Variants in CISD3 observed in about 807,000 individuals in gnomAD.
CISD3 encodes CDGSH iron sulfur domain 3, also known as CDGSH iron-sulfur domain-containing protein 3, mitochondrial.
In CISD3, 11 loss-of-function variants were observed where a neutral mutation model predicts 14.1. The ratio of observed to expected loss-of-function variants is 0.78; its 90% CI spans 0.49 to 1.29. CISD3 has a LOEUF of 1.29. CISD3 is among the 50% of genes most tolerant of loss of function. CISD3 has a pLI of 0.00. For synonymous variants in CISD3, 53 were observed against 69.2 expected (o/e 0.77, Z 1.16); for missense variants, 156 against 171.6 (o/e 0.91, Z 0.51).
intron 3 of CISD3, among the ~76,000 whole-genome samples, chr17:38,732,969 TCAC>T (rs1906406031): frequency 1.4e-5 from 1 of 72,362 alleles, no homozygotes; most frequent in Non-Finnish European, 4.0e-5. Flanking sequence ...ACACACACAC[TCAC>T]ACTCTATTAG....
intron 3 of CISD3, 32 bp from the exon 4 acceptor site, chr17:38,733,244 C>G: frequency 6.5e-7 from 1 of 1,549,720 alleles, no homozygotes; most frequent in Non-Finnish European, 8.7e-7. Flanking sequence ...CAGGTGGGGT[C>G]AGGTCTTTGA....
chr17:38,735,127 A>C lies in CISD3; in HGVS notation c.*1672A>C. On this transcript the variant is annotated 3_prime_UTR_variant, in exon 4 of 4. Coordinates refer to ENST00000613478, the MANE Select transcript of CISD3 (RefSeq NM_001136498.2). ...ACCCGCCCCCCACCCCCAAGGTGGG[A>C]AGAGCTGGGGAAAGTAGAAGAGGTG... 5 of 918,122 alleles carry C rather than the reference A, an allele frequency of 5.4e-6. No individual in the cohort carries two copies. Among genetic ancestry groups the C allele is most frequent in the Non-Finnish European group, 5.9e-6 (4 of 679,156 alleles). The allele number at this position is 918,122 out of a possible 1,614,324, so 56.9% of individuals were successfully genotyped here.
intron 2 of CISD3, 77 bp from the exon 3 acceptor site, chr17:38,731,243 A>C (rs917173641): frequency 3.1e-5 from 47 of 1,519,070 alleles, no homozygotes; most frequent in Non-Finnish European, 4.2e-5. Context: ...CCAGTGGGAA[A>C]CTAGGAAGGG....
chr17:38,734,991 C>T lies in CISD3; in HGVS notation c.*1536C>T. 1 of 382,062 alleles carries T rather than the reference C, an allele frequency of 2.6e-6. No individual in the cohort carries two copies. The highest frequency in any genetic ancestry group is 4.6e-6 in the Non-Finnish European group (1 of 216,856). The allele number at this position is 382,062 out of a possible 1,614,324, so 23.7% of individuals were successfully genotyped here. ...ACACCATTTTCCACACATACACACA[C>T]ACATAAAGTTTGTTTCCTGTGGCAT... On this transcript the variant is annotated 3_prime_UTR_variant, in exon 4 of 4. Transcript: ENST00000613478.
rs1434836110 is a variant in CISD3 at position 38,735,337 on chromosome 17, A to C, written c.*1882A>C. 3.2e-6 allele frequency: 5 copies of C among 1,553,206 alleles called. No individual in the cohort carries two copies. The highest frequency in any genetic ancestry group is 4.4e-6 in the Non-Finnish European group (5 of 1,145,390). ...CCCCGTTGGCAGCTGTGGTGGCCCCACTGGCTGTCGAAGGGGGAGTGGGGG... is the reference window on the plus strand; with the variant it reads ...CCCCGTTGGCAGCTGTGGTGGCCCCCCTGGCTGTCGAAGGGGGAGTGGGGG... On this transcript the variant is annotated 3_prime_UTR_variant, in exon 4 of 4. Transcript: ENST00000613478.
chr17:38,732,902 A>G (rs1183104565), intron 3 of CISD3, among the ~76,000 whole-genome samples: 1 of 151,110 alleles, frequency 6.6e-6, no homozygotes, highest in Non-Finnish European at 1.5e-5. Flanking sequence ...GGAACATGGG[A>G]AGTAAATGAA....
rs1390058720 is a variant in CISD3 at position 38,731,308 on chromosome 17, C to T, written c.85-12C>T. The T allele has an allele frequency of 2.6e-6, 4 of 1,550,884 alleles. No homozygotes were observed. The highest frequency in any genetic ancestry group is 3.5e-6 in the Non-Finnish European group (4 of 1,146,902). ...GAGCTAACCCTGAGCCCCTCATCTT[C>T]CCTGGCCACAGGCCCAGTGGTTCCC... On this transcript the variant is annotated splice_polypyrimidine_tract_variant and intron_variant, in intron 2 of 3. Transcript: ENST00000613478.
At position 38,735,369 on chromosome 17, in the gene CISD3, G is replaced by T. The variant is rs1003229373; in HGVS notation, c.*1914G>T. On this transcript the variant is annotated 3_prime_UTR_variant, in exon 4 of 4. Coordinates refer to ENST00000613478, the MANE Select transcript of CISD3 (RefSeq NM_001136498.2). ...GTCGAAGGGGGAGTGGGGGAGGTAGGGTGGGTGGCTGGAGGCCCATGGGAA... is the reference window on the plus strand; with the variant it reads ...GTCGAAGGGGGAGTGGGGGAGGTAGTGTGGGTGGCTGGAGGCCCATGGGAA... 30 of 1,563,918 alleles carry T rather than the reference G, an allele frequency of 1.9e-5. No individual in the cohort carries two copies. The highest frequency in any genetic ancestry group is 2.3e-5 in the Non-Finnish European group (27 of 1,152,938).
Position 38,730,789 on chromosome 17 carries a change from C to T in CISD3, c.78C>T (p.Ser26=). 4 of 1,551,718 alleles carry T rather than the reference C, an allele frequency of 2.6e-6. No individual in the cohort carries two copies. The highest frequency in any genetic ancestry group is 2.4e-5 in the East Asian group (1 of 40,916). The change falls in exon 2 of 4, where the codon TCC becomes TCT. Residue 26 remains serine (S), a synonymous_variant. Transcript: ENST00000613478. ...TGAACCCGCGGCGGGACATCTCCTC[C>T]TGGCTGGTGAGTCCCCCCATCCTCC... ...RDLNPRRDIS[S]WLAQWFPRTP...
chr17:38,733,745 G>A lies in CISD3; in HGVS notation c.*290G>A, dbSNP rs1906461238. ...GGCCCACGTGCTGCCTCCTGCTCCA[G>A]ATTTTAACCTCTCTGTGGGCTGGGG... is the stretch of plus-strand genomic sequence containing the variant. On this transcript the variant is annotated 3_prime_UTR_variant, in exon 4 of 4. Coordinates refer to ENST00000613478, the MANE Select transcript of CISD3 (RefSeq NM_001136498.2). 2 of 382,120 alleles carry A rather than the reference G, an allele frequency of 5.2e-6. No individual in the cohort carries two copies. The highest frequency in any genetic ancestry group is 9.4e-6 in the Non-Finnish European group (2 of 213,038). The allele number at this position is 382,120 out of a possible 1,614,324, so 23.7% of individuals were successfully genotyped here.
rs5820265 is a variant in CISD3 at position 38,734,527 on chromosome 17, G to GA, written c.*1085dup. On this transcript the variant is annotated 3_prime_UTR_variant, in exon 4 of 4. Coordinates refer to ENST00000613478, the MANE Select transcript of CISD3 (RefSeq NM_001136498.2). ...AATGATGCAAAGGCCACACACACAG[G>GA]AAAAAAAAAAAAAGAGGCAGAACTA... 24,384 of 144,140 alleles carry GA rather than the reference G, an allele frequency of 0.17. 3,798 individuals are homozygous for GA. The highest frequency in any genetic ancestry group is 0.41 in the African/African-American group (16,234 of 39,266). 8.9% of individuals were successfully genotyped at this position (144,140 alleles called of 1,614,324 possible).
Position 38,735,579 on chromosome 17 carries a change from A to G in CISD3, c.*2124A>G. 3 of 1,578,652 alleles carry G rather than the reference A, an allele frequency of 1.9e-6. No individual in the cohort carries two copies. Among genetic ancestry groups the G allele is most frequent in the Non-Finnish European group, 2.6e-6 (3 of 1,160,210 alleles). On this transcript the variant is annotated 3_prime_UTR_variant, in exon 4 of 4. Transcript: ENST00000613478. Reference sequence around the variant, plus strand: ...CGCTTGCAGGCTGGCTGGACACGGTACTTGAGGGGGAGAGGCCCGTTCTGC... The same window carrying G: ...CGCTTGCAGGCTGGCTGGACACGGTGCTTGAGGGGGAGAGGCCCGTTCTGC...
At chr17:38,731,261 C>A in intron 2 of CISD3, 59 bp from the exon 3 acceptor site, 1 of 1,537,576 alleles carries the variant, frequency 6.5e-7, no homozygotes, top group Non-Finnish European at 8.8e-7. Flanking sequence ...GGGTCGCAGG[C>A]CGGACGGTGC....
rs1906446823 is a variant in CISD3, at chr17:38,733,509, C to T, written c.*54C>T. On this transcript the variant is annotated 3_prime_UTR_variant, in exon 4 of 4. Coordinates refer to ENST00000613478, the MANE Select transcript of CISD3 (RefSeq NM_001136498.2). ...GCCTTGGCTCCAGGCCTCTGACAGG[C>T]ACCCCCTTCTGTGGGAAAGGAAACA... 2.1e-6 allele frequency: 3 copies of T among 1,449,252 alleles called. No homozygotes were observed. The highest frequency in any genetic ancestry group is 2.7e-6 in the Non-Finnish European group (3 of 1,093,632). 89.8% of individuals were successfully genotyped at this position (1,449,252 alleles called of 1,614,324 possible). A position where few individuals can be genotyped will look rare whatever the true frequency, so the allele number is the denominator to read the frequency against.
chr17:38,731,583 C>T, intron 3 of CISD3, 144 bp downstream of exon 3: 16 of 1,048,578 alleles, frequency 1.5e-5, no homozygotes, highest in Non-Finnish European at 2.2e-5. Context: ...AGGCCAGTGC[C>T]ACCAGCAACC....
At position 38,734,332 on chromosome 17, in the gene CISD3, C is replaced by G. The variant is rs1019205984; in HGVS notation, c.*877C>G. 8.5e-5 allele frequency: 13 copies of G among 152,418 alleles called. No individual in the cohort carries two copies. The highest frequency in any genetic ancestry group is 1.0e-4 in the Non-Finnish European group (7 of 68,032). 9.4% of individuals were successfully genotyped at this position (152,418 alleles called of 1,614,324 possible). ...CTGTGCTTGTGTGAGGTTAACCCAC[C>G]CCCACTTCCACTCTAGGCCCCAGGT... On this transcript the variant is annotated 3_prime_UTR_variant, in exon 4 of 4. Transcript: ENST00000613478.
In CISD3 at chr17:38,733,402, G is replaced by A. The variant is rs1376455109; in HGVS notation, c.331G>A (p.Gly111Ser). 2.6e-6 allele frequency: 4 copies of A among 1,551,378 alleles called. No homozygotes were observed. The East Asian group carries it at 7.3e-5, about 28-fold the overall frequency. The change falls in exon 4 of 4, where the codon GGC becomes AGC. Residue 111 changes from glycine (G) to serine (S), a missense_variant. By Grantham distance (56) the Gly-to-Ser change is moderately conservative. Coordinates refer to ENST00000613478, the MANE Select transcript of CISD3 (RefSeq NM_001136498.2). ...CACTCAGAGGCCCCCGTACTGCGATGGCACCCACAGGAGTGAGCGCGTGCA... is the reference window on the plus strand; with the variant it reads ...CACTCAGAGGCCCCCGTACTGCGATAGCACCCACAGGAGTGAGCGCGTGCA... ...KATQRPPYCD[G>S]THRSERVQKA...
chr17:38,731,553 C>T (rs1906336761), intron 3 of CISD3, 114 bp downstream of exon 3: 2 of 1,385,398 alleles, frequency 1.4e-6, no homozygotes, highest in Non-Finnish European at 9.8e-7. Context: ...TGAGGGACAC[C>T]AAGGGGGCTT....
Position 38,734,971 on chromosome 17 carries a change from A to G in CISD3, c.*1516A>G. Reference sequence around the variant, plus strand: ...ACCCCCCCCAAAAAAAATGAACACCATTTTCCACACATACACACACACATA... The same window carrying G: ...ACCCCCCCCAAAAAAAATGAACACCGTTTTCCACACATACACACACACATA... On this transcript the variant is annotated 3_prime_UTR_variant, in exon 4 of 4. Coordinates refer to ENST00000613478, the MANE Select transcript of CISD3 (RefSeq NM_001136498.2). 1 of 301,466 alleles carries G rather than the reference A, an allele frequency of 3.3e-6. No individual in the cohort carries two copies. Among genetic ancestry groups the G allele is most frequent in the Non-Finnish European group, 6.0e-6 (1 of 166,312 alleles). 18.7% of individuals were successfully genotyped at this position (301,466 alleles called of 1,614,324 possible).
Sources: allele counts gnomAD v4.1 joint callset (sites outside exome capture counted in the v4.1 genomes callset), GRCh38; gene constraint gnomAD v4.1.1; transcripts MANE v1.5; gene names NCBI Gene and HGNC (gene_info 2026-07-23, HGNC 2026-07-21).